Variants in RASGRP1 observed in about 807,000 individuals in gnomAD.
RASGRP1 encodes the protein RAS guanyl releasing protein 1, also known as RAS guanyl-releasing protein 1.
Under a neutral mutation model 95.1 loss-of-function variants are expected in RASGRP1, and 37 were observed. That is an observed-to-expected ratio of 0.39 (90% CI 0.30 to 0.51). RASGRP1 has a LOEUF of 0.51. Ranked by LOEUF, RASGRP1 falls within the 20% of genes least tolerant of loss-of-function variation. RASGRP1 has a pLI of 0.80. For missense variants in RASGRP1, 711 were observed against 965.4 expected (o/e 0.74, Z 3.49); for synonymous variants, 325 against 353.4 (o/e 0.92, Z 0.90).
rs7181246 is a variant in RASGRP1 at position 38,552,811 on chromosome 15, A to C, written c.220+7010T>G. Among the ~76,000 whole-genome samples, 1,138 of 152,328 alleles carry C rather than the reference A, an allele frequency of 7.5e-3. 15 individuals are homozygous for C. The highest frequency in any genetic ancestry group is 0.026 in the African/African-American group (1,067 of 41,580). ...CAATCTGCTCTTGTGAGCTGGTATG[A>C]GCCAGCCCAGCACACCACTGCTAGG... On this transcript the variant is annotated intron_variant, in intron 2 of 16. Transcript: ENST00000310803.
At chr15:38,535,155 C>T (rs774906310) in intron 2 of RASGRP1, among the ~76,000 whole-genome samples, 4 of 152,166 alleles carry the variant, frequency 2.6e-5, no homozygotes, top group Non-Finnish European at 5.9e-5. Context: ...AATGAGAAAA[C>T]TGAAGCAACA....
chr15:38,508,134 TGTAAAAG>T, intron 8 of RASGRP1, 133 bp from the exon 9 acceptor site: 1 of 972,756 alleles, frequency 1.0e-6, no homozygotes, highest in Non-Finnish European at 1.5e-6. Flanking sequence ...GGGTAATTCA[TGTAAAAG>T]GTACAGATTA....
At chr15:38,510,607 A>AT in intron 8 of RASGRP1, among the ~76,000 whole-genome samples, 2 of 152,366 alleles carry the variant, frequency 1.3e-5, no homozygotes, top group East Asian at 3.9e-4. Flanking sequence ...AAGAGCAGTC[A>AT]TTATCTAACC....
chr15:38,548,862 T>A (rs2141180629), intron 2 of RASGRP1, among the ~76,000 whole-genome samples: 1 of 152,368 alleles, frequency 6.6e-6, no homozygotes, highest in South Asian at 2.1e-4. Flanking sequence ...TGAAGCTTAG[T>A]CCATCTCAGG....
chr15:38,511,819 T>C lies in RASGRP1; in HGVS notation c.850-99A>G, dbSNP rs200595079. ...TTGTCTCTGTGCCGTGAGTCTCCCTTACGCTGGTTAAAGACTAGTTACGAG... is the reference window on the plus strand; with the variant it reads ...TTGTCTCTGTGCCGTGAGTCTCCCTCACGCTGGTTAAAGACTAGTTACGAG... On this transcript the variant is annotated intron_variant, in intron 7 of 16. Coordinates refer to ENST00000310803, the MANE Select transcript of RASGRP1 (RefSeq NM_005739.4). 6.6e-5 allele frequency: 54 copies of C among 823,656 alleles called. 1 individual carries two copies. The African/African-American group carries it at 7.7e-4, about 12-fold the overall frequency. The allele number at this position is 823,656 out of a possible 1,614,324, so 51.0% of individuals were successfully genotyped here. A position where few individuals can be genotyped will look rare whatever the true frequency, so the allele number is the denominator to read the frequency against.
intron 1 of RASGRP1, among the ~76,000 whole-genome samples, 170 bp downstream of exon 1, chr15:38,564,424 C>G (rs1893946782): frequency 6.6e-6 from 1 of 151,568 alleles, no homozygotes; most frequent in South Asian, 2.1e-4. Flanking sequence ...GGGCGCAGCG[C>G]GCCGGGCGTT....
chr15:38,496,846 T>C (rs1890810648), intron 15 of RASGRP1, among the ~76,000 whole-genome samples: 1 of 152,208 alleles, frequency 6.6e-6, no homozygotes, highest in Non-Finnish European at 1.5e-5. Context: ...ATCTAATTGA[T>C]CAATAAATGC....
intron 2 of RASGRP1, among the ~76,000 whole-genome samples, chr15:38,529,799 T>C (rs1422430799): frequency 6.6e-6 from 1 of 152,186 alleles, no homozygotes. Context: ...TATTTAGAAA[T>C]TGAGTTTGCT....
chr15:38,517,363 G>A (rs1391331511), intron 5 of RASGRP1, among the ~76,000 whole-genome samples: 1 of 152,188 alleles, frequency 6.6e-6, no homozygotes, highest in Non-Finnish European at 1.5e-5. Context: ...TCTTTAAAAT[G>A]AAGAAACTAT....
intron 3 of RASGRP1, among the ~76,000 whole-genome samples, chr15:38,524,613 G>A (rs1226150966): frequency 2.0e-5 from 3 of 152,300 alleles, no homozygotes; most frequent in East Asian, 3.9e-4. Flanking sequence ...AGGAAAGTTC[G>A]AATACTGGGG....
At chr15:38,552,431 G>A (rs1893376210) in intron 2 of RASGRP1, among the ~76,000 whole-genome samples, 1 of 152,144 alleles carries the variant, frequency 6.6e-6, no homozygotes, top group African/African-American at 2.4e-5. Context: ...TTTAACAATG[G>A]GCTCTCCAGG....
At chr15:38,498,462 T>G (rs2141084062) in intron 15 of RASGRP1, among the ~76,000 whole-genome samples, 1 of 152,348 alleles carries the variant, frequency 6.6e-6, no homozygotes, top group South Asian at 2.1e-4. Flanking sequence ...CCCTAGTCAC[T>G]GTTTTGGGTT....
intron 2 of RASGRP1, among the ~76,000 whole-genome samples, chr15:38,535,158 A>G (rs1892595517): frequency 6.6e-6 from 1 of 152,132 alleles, no homozygotes; most frequent in Non-Finnish European, 1.5e-5. Flanking sequence ...GAGAAAACTG[A>G]AGCAACATGC....
chr15:38,514,090 A>C (rs1039646648), intron 6 of RASGRP1, among the ~76,000 whole-genome samples: 15 of 152,158 alleles, frequency 9.9e-5, no homozygotes, highest in African/African-American at 3.6e-4. Flanking sequence ...ACTTTTGCTT[A>C]ATTAAGCCAC....
Position 38,508,021 on chromosome 15 carries a change from A to G in RASGRP1, c.967-20T>C. On this transcript the variant is annotated intron_variant, in intron 8 of 16. Coordinates refer to ENST00000310803, the MANE Select transcript of RASGRP1 (RefSeq NM_005739.4). ...GAGAACCTACAAAGCAGAACAGACC[A>G]ATCACAGGTACCCGCTAGGCAGTGT... is the stretch of plus-strand genomic sequence containing the variant. 6.3e-7 allele frequency: 1 copy of G among 1,587,490 alleles called. No homozygotes were observed. Among genetic ancestry groups the G allele is most frequent in the Non-Finnish European group, 8.6e-7 (1 of 1,167,144 alleles).
Position 38,559,948 on chromosome 15 carries a change from G to T in RASGRP1, c.93C>A (p.Ala31=). The T allele has an allele frequency of 5.0e-6, 8 of 1,613,632 alleles. No individual in the cohort carries two copies. The highest frequency in any genetic ancestry group is 6.8e-6 in the Non-Finnish European group (8 of 1,179,706). ...ASKARLEAKP[A]NSPFPSHPSL... ...TGGGATGGGAGGGGAAGGGGCTGTT[G>T]GCTGGCTTTGCCTCTAGTCTTGCTT... The change falls in exon 2 of 17, where the codon GCC becomes GCA. Residue 31 remains alanine (A), a synonymous_variant. Coordinates refer to ENST00000310803, the MANE Select transcript of RASGRP1 (RefSeq NM_005739.4).
At chr15:38,544,705 T>A (rs1893042516) in intron 2 of RASGRP1, among the ~76,000 whole-genome samples, 1 of 152,230 alleles carries the variant, frequency 6.6e-6, no homozygotes, top group Admixed American at 6.5e-5. Context: ...TTACCCAGTC[T>A]GGTATTCTGT....
intron 5 of RASGRP1, among the ~76,000 whole-genome samples, 185 bp from the exon 6 acceptor site, chr15:38,516,535 G>A (rs950614719): frequency 2.6e-5 from 4 of 152,134 alleles, no homozygotes; most frequent in Admixed American, 6.5e-5. Context: ...CAGCCTCCAG[G>A]AGGTCTTGCT....
chr15:38,512,045 G>A (rs1392754545), intron 7 of RASGRP1, among the ~76,000 whole-genome samples: 1 of 152,182 alleles, frequency 6.6e-6, no homozygotes, highest in African/African-American at 2.4e-5. Flanking sequence ...TGATTGCCTG[G>A]ATCTGGGGTT....
Sources: allele counts gnomAD v4.1 joint callset (sites outside exome capture counted in the v4.1 genomes callset), GRCh38; gene constraint gnomAD v4.1.1; transcripts MANE v1.5; gene names NCBI Gene and HGNC (gene_info 2026-07-23, HGNC 2026-07-21).